UTS2B: variants seen among roughly 807,000 people sequenced by gnomAD.
UTS2B encodes the protein urotensin-2B.
Under a neutral mutation model 19.2 loss-of-function variants are expected in UTS2B, and 21 were observed. The observed-to-expected ratio is 1.09, with a 90% CI of 0.78 to 1.58. The LOEUF is 1.58. Ranked by LOEUF, UTS2B falls within the 40% of genes most tolerant of loss-of-function variation. UTS2B has a pLI of 0.00. For synonymous variants in UTS2B, 57 were observed against 50.2 expected, an observed-to-expected ratio of 1.14 and a Z score of -0.58; for missense variants, 138 against 130.3, an observed-to-expected ratio of 1.06 and a Z score of -0.29.
intron 4 of UTS2B, among the ~76,000 whole-genome samples, chr3:191,298,389 G>C (rs1052299674): frequency 6.6e-6 from 1 of 152,144 alleles, no homozygotes; most frequent in Non-Finnish European, 1.5e-5. Flanking sequence ...TCTCATGACA[G>C]TGGGTGATTT....
the UTS2B span, among the ~76,000 whole-genome samples, chr3:191,343,973 C>T: frequency 1.3e-5 from 2 of 152,190 alleles, no homozygotes; most frequent in Non-Finnish European, 2.9e-5. Context: ...ACCTTTCACC[C>T]TACAGAGGTT....
intron 2 of UTS2B, among the ~76,000 whole-genome samples, chr3:191,324,278 T>TA (rs1717685866): frequency 6.6e-6 from 1 of 152,240 alleles, no homozygotes; most frequent in African/African-American, 2.4e-5. Flanking sequence ...GAGGCATTCA[T>TA]AAGTGTAACA....
At chr3:191,303,530 TAAAAA>T (rs56081437) in intron 4 of UTS2B, among the ~76,000 whole-genome samples, 2,615 of 148,288 alleles carry the variant, frequency 0.018, 81 homozygotes, top group African/African-American at 0.06. Context: ...CACATTTCCT[TAAAAA>T]AAAAAAAAAA....
rs1716414071 is a variant in UTS2B at position 191,282,326 on chromosome 3, AAAAG to A, written c.-124-17_-124-14del. Reference sequence around the variant, plus strand: ...AGTTACGAATGATCTAGATGAAGGAAAAAGAAAGAAAGAAAATAAATCTATAAAA... The same window carrying A: ...AGTTACGAATGATCTAGATGAAGGAAAAAGAAAGAAAATAAATCTATAAAA... On this transcript the variant is annotated splice_polypyrimidine_tract_variant and intron_variant, in intron 4 of 8. Coordinates refer to ENST00000340524, the MANE Select transcript of UTS2B (RefSeq NM_198152.5). 5.0e-6 allele frequency: 3 copies of A among 596,590 alleles called. 1 individual carries two copies. Among genetic ancestry groups the A allele is most frequent in the Middle Eastern group, 6.4e-4 (2 of 3,124 alleles). 37.0% of individuals were successfully genotyped at this position (596,590 alleles called of 1,614,324 possible).
chr3:191,328,173 C>T (rs1717800635), intron 2 of UTS2B: 1 of 152,196 alleles, frequency 6.6e-6, no homozygotes, highest in South Asian at 2.1e-4. Flanking sequence ...ACCTACTTTT[C>T]AATGTCAAGT....
At chr3:191,318,065 T>C (rs866614608) in intron 2 of UTS2B, among the ~76,000 whole-genome samples, 9 of 152,120 alleles carry the variant, frequency 5.9e-5, no homozygotes, top group African/African-American at 2.2e-4. Flanking sequence ...GATTCCACAT[T>C]TTGATGGAGG....
intron 8 of UTS2B, among the ~76,000 whole-genome samples, chr3:191,269,094 A>G (rs1268065024): frequency 6.6e-6 from 1 of 152,220 alleles, no homozygotes; most frequent in Non-Finnish European, 1.5e-5. Flanking sequence ...GTTACCAATC[A>G]CCTGACTTAC....
At chr3:191,334,679 C>G (rs942845761), upstream of UTS2B, among the ~76,000 whole-genome samples, 2 of 152,196 alleles carry the variant, frequency 1.3e-5, no homozygotes, top group African/African-American at 4.8e-5. Flanking sequence ...TTTTACCTAC[C>G]TTCTCTTTTC....
In UTS2B at chr3:191,317,567, TTTG is replaced by T. The variant is rs61650426; in HGVS notation, c.-585-1131_-585-1129del. 4.7e-3 allele frequency among the ~76,000 whole-genome samples: 712 copies of T among 151,432 alleles called. 2 individuals carry two copies. Among genetic ancestry groups the T allele is most frequent in the Admixed American group, 0.012 (181 of 15,224 alleles). On this transcript the variant is annotated intron_variant, in intron 2 of 8. Transcript: ENST00000340524. Reference sequence around the variant, plus strand: ...GTTGTCACCTCTCATTAGGATAGTCTTTGTTGTTGTTGTTGTTGTTGTTGTTGT... The same window carrying T: ...GTTGTCACCTCTCATTAGGATAGTCTTTGTTGTTGTTGTTGTTGTTGTTGT...
chr3:191,320,366 T>C (rs1191933232), intron 2 of UTS2B, among the ~76,000 whole-genome samples: 1 of 152,202 alleles, frequency 6.6e-6, no homozygotes, highest in African/African-American at 2.4e-5. Flanking sequence ...AACATCAAGT[T>C]GGTCAATATG....
chr3:191,286,004 T>G (rs368882916), intron 4 of UTS2B, among the ~76,000 whole-genome samples: 2 of 152,138 alleles, frequency 1.3e-5, no homozygotes, highest in Non-Finnish European at 2.9e-5. Flanking sequence ...AAAATAGACT[T>G]CAAGACAAAA....
intron 3 of UTS2B, among the ~76,000 whole-genome samples, chr3:191,309,463 T>G (rs1164725037): frequency 1.3e-5 from 2 of 152,066 alleles, no homozygotes; most frequent in Non-Finnish European, 2.9e-5. Flanking sequence ...GTGAGCCACC[T>G]CGCCTGGCCT....
At chr3:191,313,743 T>C (rs1226012479) in intron 3 of UTS2B, among the ~76,000 whole-genome samples, 1 of 142,954 alleles carries the variant, frequency 7.0e-6, no homozygotes, top group Non-Finnish European at 1.5e-5. Flanking sequence ...TTTTTTTTTT[T>C]TTTTTGAGAT....
chr3:191,291,778 T>C (rs969917512), intron 4 of UTS2B, among the ~76,000 whole-genome samples: 1 of 151,714 alleles, frequency 6.6e-6, no homozygotes, highest in South Asian at 2.1e-4. Context: ...AAGTTTTATA[T>C]ATGGTGTGAG....
At chr3:191,334,092 A>G (rs1157305129), upstream of UTS2B, among the ~76,000 whole-genome samples, 1 of 152,188 alleles carries the variant, frequency 6.6e-6, no homozygotes, top group Non-Finnish European at 1.5e-5. Context: ...ACAAAGCAAT[A>G]TCACTCAATT....
chr3:191,284,495 TGTTTTTAGTAGA>T (rs1716479850), intron 4 of UTS2B, among the ~76,000 whole-genome samples: 1 of 145,392 alleles, frequency 6.9e-6, no homozygotes, highest in African/African-American at 2.5e-5. Context: ...CTAATTTTTG[TGTTTTTAGTAGA>T]GACGGGGTTT....
chr3:191,285,596 A>G (rs549056408), intron 4 of UTS2B, among the ~76,000 whole-genome samples: 7 of 152,294 alleles, frequency 4.6e-5, no homozygotes, highest in African/African-American at 1.7e-4. Context: ...TTTCACTTTT[A>G]AAAATATACA....
At chr3:191,274,086 A>C (rs775583837) in intron 8 of UTS2B, among the ~76,000 whole-genome samples, 25 of 151,222 alleles carry the variant, frequency 1.7e-4, no homozygotes, top group Non-Finnish European at 3.2e-4. Context: ...TGGGCAGTGA[A>C]ACTCCGTCTC....
chr3:191,329,610 C>T (rs1004139010), intron 1 of UTS2B: 28 of 1,548,880 alleles, frequency 1.8e-5, no homozygotes, highest in Non-Finnish European at 2.5e-5. Context: ...CGCTCGGGGC[C>T]CCGCTCGGCG....
Sources: allele counts gnomAD v4.1 joint callset (sites outside exome capture counted in the v4.1 genomes callset), GRCh38; gene constraint gnomAD v4.1.1; transcripts MANE v1.5; gene names NCBI Gene and HGNC (gene_info 2026-07-23, HGNC 2026-07-21).